The following RPGRIP1L variants were observed in gnomAD, a reference collection of about 807,000 sequenced individuals.
RPGRIP1L encodes RPGRIP1 like.
In RPGRIP1L, 131 loss-of-function variants were observed where a neutral mutation model predicts 160.4. The ratio of observed to expected loss-of-function variants is 0.82; its 90% confidence interval spans 0.71 to 0.94. RPGRIP1L has a LOEUF of 0.94. Among genes scored for constraint, RPGRIP1L ranks in the 40% least tolerant of loss-of-function variants. The pLI, the probability that RPGRIP1L is intolerant of heterozygous loss-of-function variation, is 0.00. For missense variants in RPGRIP1L, 1,522 were observed against 1,535.8 expected, an observed-to-expected ratio of 0.99 and a Z score of 0.15; for synonymous variants, 510 against 515.8, an observed-to-expected ratio of 0.99 and a Z score of 0.15.
chr16:53,614,162 A>G (rs1344454369), intron 24 of RPGRIP1L, among the ~76,000 whole-genome samples: 1 of 152,236 alleles, frequency 6.6e-6, no homozygotes, highest in African/African-American at 2.4e-5. Flanking sequence ...GGTGTGTCAA[A>G]TCATATTTCT....
At chr16:53,648,543 T>C (rs1474979143) in intron 16 of RPGRIP1L, among the ~76,000 whole-genome samples, 2 of 152,120 alleles carry the variant, frequency 1.3e-5, no homozygotes, top group African/African-American at 2.4e-5. Context: ...ATTTTGGTTG[T>C]GGTGGTAGTT....
Position 53,692,295 on chromosome 16 carries a change from C to T in RPGRIP1L, c.300G>A (p.Lys100=). 6.2e-7 allele frequency: 1 copy of T among 1,614,116 alleles called. No individual in the cohort carries two copies. Among genetic ancestry groups the T allele is most frequent in the Non-Finnish European group, 8.5e-7 (1 of 1,180,006 alleles). Residue 100 remains lysine (K), a synonymous_variant, in exon 4 of 27, where the codon AAG becomes AAA. Coordinates refer to ENST00000647211, the MANE Select transcript of RPGRIP1L (RefSeq NM_015272.5). The part of the protein sequence containing the change: ...KRYERVGGGP[K]RLGRDVEMEE... ...CCATTTCCACATCTCGTCCCAGCCG[C>T]TTGGGGCCGCCACCAACCCGCTCAT... is the stretch of plus-strand genomic sequence containing the variant.
At chr16:53,663,034 T>C (rs1221474272) in intron 10 of RPGRIP1L, among the ~76,000 whole-genome samples, 1 of 152,018 alleles carries the variant, frequency 6.6e-6, no homozygotes, top group African/African-American at 2.4e-5. Flanking sequence ...AAAAGCACAT[T>C]GTAAAACTAC....
intron 3 of RPGRIP1L, chr16:53,693,422 G>C (rs955236100): frequency 6.6e-6 from 1 of 152,176 alleles, no homozygotes; most frequent in Non-Finnish European, 1.5e-5. Flanking sequence ...GGATGTCATA[G>C]AACAACCTTT....
rs534345856 is a variant in RPGRIP1L at position 53,678,104 on chromosome 16, T to C, written c.777-2982A>G. Among the ~76,000 whole-genome samples, 7 of 152,054 alleles carry C rather than the reference T, an allele frequency of 4.6e-5. No individual in the cohort carries two copies. The East Asian group carries it at 1.4e-3, about 29-fold the overall frequency. On this transcript the variant is annotated intron_variant, in intron 6 of 26. Coordinates refer to ENST00000647211, the MANE Select transcript of RPGRIP1L (RefSeq NM_015272.5). ...AGGATTTTGAAAAAGTCAGGAATGA[T>C]TAAGTTGGAAAATGCAGTTTCTTTT...
chr16:53,638,954 G>T (rs1039121765), intron 19 of RPGRIP1L, among the ~76,000 whole-genome samples: 1 of 151,316 alleles, frequency 6.6e-6, no homozygotes, highest in African/African-American at 2.4e-5. Context: ...TTTAGATTTG[G>T]GAACATTAAC....
chr16:53,669,681 C>G (rs2151224810), intron 9 of RPGRIP1L, among the ~76,000 whole-genome samples: 1 of 152,074 alleles, frequency 6.6e-6, no homozygotes, highest in South Asian at 2.1e-4. Context: ...GGCCATATGG[C>G]ACTATTTTCT....
In RPGRIP1L at chr16:53,649,112, G is replaced by T. The variant is rs1420264871; in HGVS notation, c.2156C>A (p.Thr719Lys). ...GCCAAAATTTGGGATGTCTCCTTTTGTTCCTACAAATCAGTACATAACCCA... is the reference window on the plus strand; with the variant it reads ...GCCAAAATTTGGGATGTCTCCTTTTTTTCCTACAAATCAGTACATAACCCA... Reference protein sequence around the residue: ...RIFCTASLIGTKGDIPNFGTV... With the variant: ...RIFCTASLIGKKGDIPNFGTV... Residue 719 changes from threonine to lysine, a missense_variant, in exon 16 of 27, where the codon ACA becomes AAA. Coordinates refer to ENST00000647211, the MANE Select transcript of RPGRIP1L (RefSeq NM_015272.5). 5.6e-6 allele frequency: 9 copies of T among 1,613,700 alleles called. No homozygotes were observed. The South Asian group carries it at 8.8e-5, about 16-fold the overall frequency.
intron 21 of RPGRIP1L, among the ~76,000 whole-genome samples, chr16:53,636,807 T>G (rs2042965991): frequency 6.6e-6 from 1 of 152,090 alleles, no homozygotes; most frequent in Admixed American, 6.5e-5. Context: ...GTAATAGATG[T>G]TTTTTAACAG....
At chr16:53,658,365 A>C in intron 12 of RPGRIP1L, 49 bp downstream of exon 12, 1 of 1,352,382 alleles carries the variant, frequency 7.4e-7, no homozygotes, top group Non-Finnish European at 1.1e-6. Flanking sequence ...CATTATGCTG[A>C]AACAGTTGTA....
In RPGRIP1L at chr16:53,700,676, A is replaced by G. The variant is rs1046124483; in HGVS notation, c.48T>C (p.Asp16=). 7 of 1,613,556 alleles carry G rather than the reference A, an allele frequency of 4.3e-6. No homozygotes were observed. The highest frequency in any genetic ancestry group is 4.2e-6 in the Non-Finnish European group (5 of 1,179,824). The change falls in exon 2 of 27, where the codon GAT becomes GAC. Residue 16 remains aspartate (D), a synonymous_variant. Coordinates refer to ENST00000647211, the MANE Select transcript of RPGRIP1L (RefSeq NM_015272.5). ...CCATTCCAAAGAGGTTTAGACCTGT[A>G]TCTTTCACAGGCAAGTCTCCTGCAG... ...DETAGDLPVK[D]TGLNLFGMGG... is the part of the protein sequence containing the mutation.
At chr16:53,661,065 G>T (rs1381800580) in intron 10 of RPGRIP1L, among the ~76,000 whole-genome samples, 3 of 151,898 alleles carry the variant, frequency 2.0e-5, no homozygotes, top group African/African-American at 7.3e-5. Context: ...GGAGGCAGAG[G>T]TGGGTGGATT....
At chr16:53,615,473 T>TATATA (rs35634061) in intron 24 of RPGRIP1L, among the ~76,000 whole-genome samples, 1 of 43,340 alleles carries the variant, frequency 2.3e-5, no homozygotes, top group Non-Finnish European at 4.0e-5. Context: ...TATATATATA[T>TATATA]TTTTTTTTTT....
At chr16:53,650,307 T>C (rs1966842375) in intron 15 of RPGRIP1L, among the ~76,000 whole-genome samples, 1 of 152,148 alleles carries the variant, frequency 6.6e-6, no homozygotes. Context: ...TGTGAACACC[T>C]TGATATTGGA....
Position 53,692,228 on chromosome 16 carries a change from C to G in RPGRIP1L, c.367G>C (p.Glu123Gln). 1.2e-6 allele frequency: 2 copies of G among 1,614,106 alleles called. No homozygotes were observed. The highest frequency in any genetic ancestry group is 1.7e-6 in the Non-Finnish European group (2 of 1,180,030). ...EQLQEKVHELEKQNETLKNRL... is the reference protein window; with the variant it reads ...EQLQEKVHELQKQNETLKNRL... ...TTTTTGAGGGTTTCATTTTGTTTTT[C>G]AAGCTCATGAACTTTCTCTTGCAGC... is the stretch of plus-strand genomic sequence containing the variant. Residue 123 changes from glutamate (E) to glutamine (Q), a missense_variant, in exon 4 of 27, where the codon GAA (glutamate) becomes CAA (glutamine). By Grantham distance (29) the Glu-to-Gln change is conservative (BLOSUM62 2). Transcript: ENST00000647211.
At chr16:53,698,444 A>T (rs1971040879) in intron 2 of RPGRIP1L, among the ~76,000 whole-genome samples, 1 of 127,746 alleles carries the variant, frequency 7.8e-6, no homozygotes, top group East Asian at 2.5e-4. Flanking sequence ...TCCTACTGGG[A>T]AGTGAGGGGC....
intron 10 of RPGRIP1L, among the ~76,000 whole-genome samples, chr16:53,661,901 TTTTA>T (rs2151182928): frequency 1.3e-5 from 2 of 152,320 alleles, no homozygotes; most frequent in African/African-American, 4.8e-5. Flanking sequence ...TTCTACTGAA[TTTTA>T]TTTAGAATTA....
At chr16:53,644,149 C>T (rs559283795) in intron 17 of RPGRIP1L, among the ~76,000 whole-genome samples, 1 of 151,970 alleles carries the variant, frequency 6.6e-6, no homozygotes, top group Non-Finnish European at 1.5e-5. Context: ...GGCAACATAG[C>T]GAGACCCCTA....
intron 7 of RPGRIP1L, 95 bp downstream of exon 7, chr16:53,674,922 G>T: frequency 1.3e-6 from 1 of 758,952 alleles, no homozygotes; most frequent in Non-Finnish European, 2.3e-6. Flanking sequence ...ATGTTCTAGT[G>T]TTATGATAAT....
Sources: allele counts gnomAD v4.1 joint callset (sites outside exome capture counted in the v4.1 genomes callset), GRCh38; gene constraint gnomAD v4.1.1; transcripts MANE v1.5; gene names NCBI Gene and HGNC (gene_info 2026-07-23, HGNC 2026-07-21).